The following NEO1 variants were observed in gnomAD, a reference collection of about 807,000 sequenced individuals.
NEO1 encodes neogenin 1.
In NEO1, 63 loss-of-function variants were observed where a neutral mutation model predicts 159.7. The observed-to-expected ratio is 0.39, with a 90% confidence interval of 0.32 to 0.49. The LOEUF is 0.49. NEO1 is among the 20% of genes least tolerant of loss of function. The probability of loss-of-function intolerance (pLI) is 0.85; values close to 1 mark genes in which losing one functional copy is unlikely to be tolerated. For missense variants in NEO1, 1,615 were observed against 1,831.0 expected, an observed-to-expected ratio of 0.88 and a Z score of 2.15; for synonymous variants, 633 against 662.0, an observed-to-expected ratio of 0.96 and a Z score of 0.67.
intron 27 of NEO1, among the ~76,000 whole-genome samples, 174 bp from the exon 28 acceptor site, chr15:73,301,147 A>G (rs183750324): frequency 2.2e-4 from 34 of 152,310 alleles, no homozygotes; most frequent in Non-Finnish European, 4.0e-4. Flanking sequence ...TGGCCTCATG[A>G]ATGCCCTGCT....
intron 12 of NEO1, among the ~76,000 whole-genome samples, chr15:73,254,057 G>A (rs1006394337): frequency 6.6e-6 from 1 of 152,168 alleles, no homozygotes; most frequent in African/African-American, 2.4e-5. Flanking sequence ...CAAATGCAGT[G>A]GCTCACGCCT....
chr15:73,195,559 A>G (rs2036489215), intron 7 of NEO1, among the ~76,000 whole-genome samples: 1 of 152,212 alleles, frequency 6.6e-6, no homozygotes, highest in African/African-American at 2.4e-5. Flanking sequence ...TAACATTTTA[A>G]ATGTTACTAC....
At position 73,075,471 on chromosome 15, in the gene NEO1, A is replaced by G. The variant is rs146241789; in HGVS notation, c.130+22666A>G. ...GAGTGGTGCACTTTTATGTATGCCA[A>G]CTTTATAAAATGAAAAAATGCTAAT... is the stretch of plus-strand genomic sequence containing the variant. On this transcript the variant is annotated intron_variant, in intron 1 of 28. Coordinates refer to ENST00000261908, the MANE Select transcript of NEO1 (RefSeq NM_002499.4). Among the ~76,000 whole-genome samples, 388 of 152,340 alleles carry G rather than the reference A, an allele frequency of 2.5e-3. 2 individuals are homozygous for G. Among genetic ancestry groups the G allele is most frequent in the African/African-American group, 8.8e-3 (364 of 41,588 alleles).
At chr15:73,120,105 C>T (rs2071550776) in intron 2 of NEO1, among the ~76,000 whole-genome samples, 1 of 151,844 alleles carries the variant, frequency 6.6e-6, no homozygotes, top group South Asian at 2.1e-4. Flanking sequence ...CACTGCACTC[C>T]AGCATGGGTG....
rs756919428 is a variant in NEO1 at position 73,293,447 on chromosome 15, C to A, written c.3800C>A (p.Ser1267Tyr). 2 of 1,614,200 alleles carry A rather than the reference C, an allele frequency of 1.2e-6. No homozygotes were observed. The highest frequency in any genetic ancestry group is 1.7e-6 in the Non-Finnish European group (2 of 1,180,024). Residue 1267 changes from serine (S) to tyrosine (Y), a missense_variant, in exon 26 of 29, where the codon TCC (serine) becomes TAC (tyrosine). Around this residue, in one of 3 missense-constraint regions of NEO1, gnomAD observed 471 missense variants for 498.9 expected, o/e 0.94. Transcript: ENST00000261908. The stretch of plus-strand genomic sequence containing the variant: ...GATAACCCTCACCATCATTTCCACT[C>A]CAGCAGCCTCGCTTCTCCAGCTCGC... ...SLDNPHHHFH[S>Y]SSLASPARSH... is the part of the protein sequence containing the mutation.
intron 5 of NEO1, among the ~76,000 whole-genome samples, chr15:73,170,886 C>T (rs541750241): frequency 6.6e-6 from 1 of 152,058 alleles, no homozygotes; most frequent in Admixed American, 6.6e-5. Context: ...TACTATTTTG[C>T]ACCGCCTGAT....
intron 7 of NEO1, among the ~76,000 whole-genome samples, chr15:73,179,276 C>G (rs1273578551): frequency 6.6e-6 from 1 of 152,184 alleles, no homozygotes; most frequent in African/African-American, 2.4e-5. Context: ...ACTACAACCC[C>G]TAGGTCTGAG....
intron 5 of NEO1, among the ~76,000 whole-genome samples, chr15:73,155,721 C>G (rs2033723125): frequency 6.6e-6 from 1 of 152,182 alleles, no homozygotes; most frequent in African/African-American, 2.4e-5. Context: ...TTCTGAGATT[C>G]TTTCTTCTGT....
At chr15:73,116,321 G>GT (rs139567962) in intron 1 of NEO1, among the ~76,000 whole-genome samples, 14 of 151,332 alleles carry the variant, frequency 9.3e-5, no homozygotes, top group South Asian at 2.1e-4. Flanking sequence ...CAGGTAGAAG[G>GT]TTTTTTTTTC....
At chr15:73,267,635 G>A (rs975021383) in intron 16 of NEO1, among the ~76,000 whole-genome samples, 22 of 148,870 alleles carry the variant, frequency 1.5e-4, no homozygotes, top group South Asian at 2.1e-4. Flanking sequence ...GAGAACATGC[G>A]GTGTTTGGTT....
chr15:73,087,802 A>G (rs2069449574), intron 1 of NEO1, among the ~76,000 whole-genome samples: 1 of 152,118 alleles, frequency 6.6e-6, no homozygotes, highest in Non-Finnish European at 1.5e-5. Flanking sequence ...TTGCATATAA[A>G]TGTGGGTATA....
chr15:73,144,740 G>T (rs768604413), intron 5 of NEO1, among the ~76,000 whole-genome samples: 5 of 152,054 alleles, frequency 3.3e-5, no homozygotes, highest in Non-Finnish European at 7.4e-5. Context: ...CTCAGAAATC[G>T]CATGTCCAAA....
intron 11 of NEO1, 83 bp from the exon 12 acceptor site, chr15:73,253,317 T>C: frequency 3.9e-6 from 3 of 766,464 alleles, no homozygotes; most frequent in Non-Finnish European, 6.1e-6. Context: ...TGCATTTGTT[T>C]AAAGTCCAGC....
intron 2 of NEO1, 135 bp downstream of exon 2, chr15:73,116,992 A>G: frequency 2.9e-6 from 2 of 697,656 alleles, no homozygotes; most frequent in East Asian, 2.8e-5. Flanking sequence ...TCAATTGTGC[A>G]TATACTCTGC....
At chr15:73,209,963 A>G (rs1383375428) in intron 7 of NEO1, among the ~76,000 whole-genome samples, 1 of 152,142 alleles carries the variant, frequency 6.6e-6, no homozygotes, top group South Asian at 2.1e-4. Context: ...AGATCGCACC[A>G]TTGCACTCCA....
At chr15:73,132,823 C>T (rs1411709891) in intron 4 of NEO1, among the ~76,000 whole-genome samples, 2 of 152,132 alleles carry the variant, frequency 1.3e-5, no homozygotes, top group Admixed American at 6.5e-5. Context: ...AAATCAAAAC[C>T]GCAGTGCAAA....
chr15:73,219,384 A>G (rs2038094110), intron 7 of NEO1, among the ~76,000 whole-genome samples: 1 of 144,142 alleles, frequency 6.9e-6, no homozygotes, highest in South Asian at 2.3e-4. Context: ...TGGTGCTGAA[A>G]AAAATGTATA....
chr15:73,254,447 GAGATCAGGGGTCCAGAGTGTA>G (rs2040238426), intron 12 of NEO1, among the ~76,000 whole-genome samples: 1 of 152,062 alleles, frequency 6.6e-6, no homozygotes, highest in Admixed American at 6.5e-5. Flanking sequence ...AAACAACCAG[GAGATCAGGGGTCCAGAGTGTA>G]CTACTCGAAT....
chr15:73,064,330 T>C (rs2068106175), intron 1 of NEO1, among the ~76,000 whole-genome samples: 1 of 152,234 alleles, frequency 6.6e-6, no homozygotes, highest in African/African-American at 2.4e-5. Flanking sequence ...CTCATATGAA[T>C]GGCAGGTAGA....
Sources: allele counts gnomAD v4.1 joint callset (sites outside exome capture counted in the v4.1 genomes callset), GRCh38; gene constraint gnomAD v4.1.1; regional missense constraint gnomAD v4.1.1; transcripts MANE v1.5; gene names NCBI Gene and HGNC (gene_info 2026-07-23, HGNC 2026-07-21).